RNF144A: variants seen among roughly 807,000 people sequenced by gnomAD.
The protein encoded by RNF144A is ring finger protein 144A, also known as E3 ubiquitin-protein ligase RNF144A.
In RNF144A, 11 loss-of-function variants were observed where a neutral mutation model predicts 38.7. The ratio of observed to expected loss-of-function variants is 0.28; its 90% confidence interval spans 0.18 to 0.47. The LOEUF is 0.47. Among genes scored for constraint, RNF144A ranks in the 20% least tolerant of loss-of-function variants. The pLI is 0.99. For missense variants in RNF144A, 316 were observed against 377.2 expected (o/e 0.84, Z 1.34); for synonymous variants, 149 against 143.9 (o/e 1.04, Z -0.25).
intron 2 of RNF144A, among the ~76,000 whole-genome samples, chr2:6,986,971 T>C (rs1669002833): frequency 6.6e-6 from 1 of 152,114 alleles, no homozygotes; most frequent in Non-Finnish European, 1.5e-5. Context: ...GTGTAATGTT[T>C]ATCTGGGCAA....
At chr2:6,928,893 C>T (rs1665046364) in intron 1 of RNF144A, among the ~76,000 whole-genome samples, 1 of 152,198 alleles carries the variant, frequency 6.6e-6, no homozygotes, top group African/African-American at 2.4e-5. Flanking sequence ...CCATCCTCTT[C>T]CTGCCACTTC....
Position 6,962,926 on chromosome 2 carries a change from T to C in RNF144A, c.-12+21779T>C, listed in dbSNP as rs79179342. Among the ~76,000 whole-genome samples the C allele has an allele frequency of 3.9e-4, 59 of 152,308 alleles. No individual in the cohort carries two copies. The East Asian group carries it at 0.011, about 28-fold the overall frequency. On this transcript the variant is annotated intron_variant, in intron 2 of 8. Coordinates refer to ENST00000320892, the MANE Select transcript of RNF144A (RefSeq NM_014746.6). This position sits in a 1 kb window ranked among gnomAD's most constrained non-coding sequence, Gnocchi z 4.1. ...ACTGTGATTGATCGTTGAAGGGAGA[T>C]GACAAGATCATTTTGATAATTTTAA...
At chr2:6,990,512 TATAAC>T (rs1421850225) in intron 2 of RNF144A, among the ~76,000 whole-genome samples, 4 of 132,490 alleles carry the variant, frequency 3.0e-5, no homozygotes, top group South Asian at 4.5e-4. Context: ...TAATATATGA[TATAAC>T]ATATTATATA....
chr2:7,029,226 GCAC>G (rs1672116465), intron 7 of RNF144A, among the ~76,000 whole-genome samples: 1 of 152,244 alleles, frequency 6.6e-6, no homozygotes, highest in Non-Finnish European at 1.5e-5. Flanking sequence ...CCCCTCCGTG[GCAC>G]CATGTGCCTC....
chr2:6,928,520 G>T (rs1665017241), intron 1 of RNF144A, among the ~76,000 whole-genome samples: 1 of 152,152 alleles, frequency 6.6e-6, no homozygotes, highest in East Asian at 1.9e-4. Context: ...CTGCACCCCA[G>T]ACCAAGCCCA....
intron 3 of RNF144A, among the ~76,000 whole-genome samples, chr2:7,007,122 C>T (rs914980161): frequency 6.6e-6 from 1 of 152,146 alleles, no homozygotes; most frequent in African/African-American, 2.4e-5. Context: ...CTCTTCACCC[C>T]AAAACCCTCC....
intron 7 of RNF144A, among the ~76,000 whole-genome samples, chr2:7,025,800 T>G (rs1671854074): frequency 6.6e-6 from 1 of 152,262 alleles, no homozygotes; most frequent in African/African-American, 2.4e-5. Flanking sequence ...TATTTATGTC[T>G]GTTCTGCACA....
At chr2:7,067,905 C>T (rs886195858) in intron 6 of RNF144A, among the ~76,000 whole-genome samples, 2 of 152,158 alleles carry the variant, frequency 1.3e-5, no homozygotes. Flanking sequence ...CATTGTCCAT[C>T]ATCCCCAGGT....
At chr2:6,960,989 T>C (rs1288928411) in intron 2 of RNF144A, among the ~76,000 whole-genome samples, 1 of 152,218 alleles carries the variant, frequency 6.6e-6, no homozygotes, top group African/African-American at 2.4e-5. Flanking sequence ...CGTGTGTGTG[T>C]TTGGTAGTGA....
At chr2:7,019,681 A>G (rs1284376722) in intron 5 of RNF144A, among the ~76,000 whole-genome samples, 1 of 152,232 alleles carries the variant, frequency 6.6e-6, no homozygotes, top group Non-Finnish European at 1.5e-5. Context: ...GGAAGATGAA[A>G]TGAACAACCA....
At chr2:7,034,554 C>G (rs550720704) in intron 8 of RNF144A, among the ~76,000 whole-genome samples, 1 of 152,244 alleles carries the variant, frequency 6.6e-6, no homozygotes, top group South Asian at 2.1e-4. Flanking sequence ...CGGCACTGAG[C>G]GTGCTCCCAA....
At chr2:7,023,837 C>T (rs908970168) in intron 6 of RNF144A, among the ~76,000 whole-genome samples, 5 of 152,240 alleles carry the variant, frequency 3.3e-5, no homozygotes, top group Non-Finnish European at 5.9e-5. Context: ...CTTGCTAACC[C>T]TGCAGACCTA....
At position 6,962,004 on chromosome 2, in the gene RNF144A, G is replaced by A. The variant is rs558805703; in HGVS notation, c.-12+20857G>A. Reference sequence around the variant, plus strand: ...AGGGAGAACAAGGACACGGACATACGAAGAGTGAGGTTGACAGTGGAAGTT... The same window carrying A: ...AGGGAGAACAAGGACACGGACATACAAAGAGTGAGGTTGACAGTGGAAGTT... On this transcript the variant is annotated intron_variant, in intron 2 of 8. Coordinates refer to ENST00000320892, the MANE Select transcript of RNF144A (RefSeq NM_014746.6). The surrounding 1 kb of genome is among the most constrained non-coding windows in gnomAD (Gnocchi z 4.1). 2.0e-5 allele frequency among the ~76,000 whole-genome samples: 3 copies of A among 152,326 alleles called. No homozygotes were observed. Among genetic ancestry groups the A allele is most frequent in the Admixed American group, 6.5e-5 (1 of 15,300 alleles).
intron 1 of RNF144A, among the ~76,000 whole-genome samples, chr2:6,937,920 G>C (rs1665696928): frequency 6.6e-6 from 1 of 152,216 alleles, no homozygotes; most frequent in Non-Finnish European, 1.5e-5. Flanking sequence ...CTACCAAAAA[G>C]ATATATGGGC....
chr2:7,045,291 T>C (rs1673260902), downstream of RNF144A, among the ~76,000 whole-genome samples: 1 of 152,210 alleles, frequency 6.6e-6, no homozygotes, highest in Non-Finnish European at 1.5e-5. Flanking sequence ...GTTAGGGTCC[T>C]AGGGCTGCTG....
intron 2 of RNF144A, among the ~76,000 whole-genome samples, chr2:6,975,687 G>T (rs1668266223): frequency 1.3e-5 from 2 of 152,152 alleles, no homozygotes; most frequent in Admixed American, 6.5e-5. Flanking sequence ...GTCAGGTGTG[G>T]TTGTGGCACA....
chr2:6,925,493 TATC>T (rs1664801362), intron 1 of RNF144A, among the ~76,000 whole-genome samples: 2 of 152,204 alleles, frequency 1.3e-5, no homozygotes. Context: ...TTCTTCTTGT[TATC>T]ATGTGTAGGG....
At chr2:7,073,802 C>G in the RNF144A span, among the ~76,000 whole-genome samples, 1 of 152,158 alleles carries the variant, frequency 6.6e-6, no homozygotes, top group East Asian at 1.9e-4. Context: ...AGGGTCACAC[C>G]ACTGTGAATT....
chr2:7,052,840 C>CAA (rs145536493), intron 6 of RNF144A, among the ~76,000 whole-genome samples: 7 of 149,828 alleles, frequency 4.7e-5, no homozygotes, highest in African/African-American at 1.7e-4. Flanking sequence ...CCCTTTCCAA[C>CAA]ACACACACAC....
Sources: allele counts gnomAD v4.1 joint callset (sites outside exome capture counted in the v4.1 genomes callset), GRCh38; gene constraint gnomAD v4.1.1; non-coding constraint Gnocchi (gnomAD v3.1); transcripts MANE v1.5; gene names NCBI Gene and HGNC (gene_info 2026-07-23, HGNC 2026-07-21).